Variants in OR11G2 observed in about 807,000 individuals in gnomAD.
The protein encoded by OR11G2 is olfactory receptor family 11 subfamily G member 2, also known as olfactory receptor 11G2.
In OR11G2, 2 loss-of-function variants were observed where a neutral mutation model predicts 0.9. The ratio of observed to expected loss-of-function variants is 2.35; its 90% CI spans 0.96 to 7.38. The LOEUF (loss-of-function observed/expected upper bound fraction) is 7.38. Among genes scored for constraint, OR11G2 ranks in the 30% most tolerant of loss-of-function variants. OR11G2 has a pLI of 0.05. For missense variants in OR11G2, 395 were observed against 371.3 expected (o/e 1.06, Z -0.52); for synonymous variants, 153 against 142.0 (o/e 1.08, Z -0.55).
chr14:20,191,657 G>A lies in OR11G2; in HGVS notation c.-14G>A, dbSNP rs533890520. 1 of 152,192 alleles carries A rather than the reference G, an allele frequency of 6.6e-6. No homozygotes were observed. The highest frequency in any genetic ancestry group is 1.9e-4 in the East Asian group (1 of 5,192). The allele number at this position is 152,192 out of a possible 1,614,324, so 9.4% of individuals were successfully genotyped here. On this transcript the variant is annotated 5_prime_UTR_variant, in exon 1 of 2. Transcript: ENST00000641879. ...GCTGCTCTCTGTACAGAGGAGCTAG[G>A]TAATAAAAGGTGAGTAACATTACAC...
chr14:20,194,212 G>C (rs8016235), intron 1 of OR11G2, among the ~76,000 whole-genome samples: 14,607 of 152,172 alleles, frequency 0.096, 837 homozygotes, highest in Middle Eastern at 0.19. Context: ...GAACTGGTCT[G>C]ATTTTCTTTC....
At chr14:20,197,368 A>G (rs777266376) in intron 1 of OR11G2, 66 bp from the exon 2 acceptor site, 2 of 1,575,028 alleles carry the variant, frequency 1.3e-6, no homozygotes, top group Non-Finnish European at 1.7e-6. Context: ...ATTTAAATAT[A>G]AATCTGATTC....
At chr14:20,196,743 G>T (rs764159551) in intron 1 of OR11G2, among the ~76,000 whole-genome samples, 1 of 152,194 alleles carries the variant, frequency 6.6e-6, no homozygotes, top group South Asian at 2.1e-4. Context: ...ACGTGTTTCA[G>T]CATGGCCAGT....
Position 20,198,093 on chromosome 14 carries a change from T to TG in OR11G2, c.660dup (p.Ser221ValfsTer49). 6.2e-7 allele frequency: 1 copy of TG among 1,614,144 alleles called. No individual in the cohort carries two copies. Among genetic ancestry groups the TG allele is most frequent in the Non-Finnish European group, 8.5e-7 (1 of 1,180,030 alleles). On this transcript the variant is annotated frameshift_variant, in exon 2 of 2. Coordinates refer to ENST00000641879, the MANE Select transcript of OR11G2 (RefSeq NM_001386033.1). LOFTEE classifies it high-confidence loss of function. Reference sequence around the variant, plus strand: ...GTCTTTATGCTCTTTCTCTTCATTGTGGGGTCCTATGCTCTGGTCGTGAGA... The same window carrying TG: ...GTCTTTATGCTCTTTCTCTTCATTGTGGGGGTCCTATGCTCTGGTCGTGAGA...
chr14:20,198,425 G>T lies in OR11G2; in HGVS notation c.*52G>T. ...AATTAATCTTGTCTTTAATTTTGGG[G>T]TTTAAAAAAAAAACTGGTCTTGGCC... On this transcript the variant is annotated 3_prime_UTR_variant, in exon 2 of 2. Transcript: ENST00000641879. 1.4e-6 allele frequency: 2 copies of T among 1,379,866 alleles called. No individual in the cohort carries two copies. Among genetic ancestry groups the T allele is most frequent in the Non-Finnish European group, 2.0e-6 (2 of 1,015,304 alleles). The allele number at this position is 1,379,866 out of a possible 1,614,324, so 85.5% of individuals were successfully genotyped here.
At position 20,192,693 on chromosome 14, in the gene OR11G2, T is replaced by A. The variant is rs570749311; in HGVS notation, c.-5+1027T>A. ...CAATGAAGTAATTGGTAAATATCTA[T>A]CGATGTATTGTCTATCTATATCCTC... On this transcript the variant is annotated intron_variant, in intron 1 of 1. Transcript: ENST00000641879. 5.9e-5 allele frequency among the ~76,000 whole-genome samples: 9 copies of A among 152,342 alleles called. No individual in the cohort carries two copies. The South Asian group carries it at 1.9e-3, about 32-fold the overall frequency.
Position 20,198,131 on chromosome 14 carries a change from G to A in OR11G2, c.694G>A (p.Val232Ile), listed in dbSNP as rs1235069605. Reference protein sequence around the residue: ...YALVVRAVLRVPSAAGRRKAF... With the variant: ...YALVVRAVLRIPSAAGRRKAF... ...TCTGGTCGTGAGAGCTGTGTTGAGG[G>A]TCCCTTCAGCAGCTGGGAGAAGAAA... Residue 232 changes from valine to isoleucine, a missense_variant, in exon 2 of 2, where the codon GTC becomes ATC. By Grantham distance (29) the Val-to-Ile change is conservative (BLOSUM62 3). Coordinates refer to ENST00000641879, the MANE Select transcript of OR11G2 (RefSeq NM_001386033.1). The A allele has an allele frequency of 6.2e-7, 1 of 1,614,024 alleles. No homozygotes were observed. Among genetic ancestry groups the A allele is most frequent in the African/African-American group, 1.3e-5 (1 of 74,896 alleles).
intron 1 of OR11G2, among the ~76,000 whole-genome samples, chr14:20,194,928 C>T (rs753295160): frequency 1.3e-5 from 2 of 152,090 alleles, no homozygotes; most frequent in Non-Finnish European, 1.5e-5. Flanking sequence ...TAATTAGACC[C>T]GTCCACTGTC....
Position 20,198,329 on chromosome 14 carries a change from A to G in OR11G2, c.892A>G (p.Asn298Asp), listed in dbSNP as rs1879822530. 1.3e-6 allele frequency: 2 copies of G among 1,588,450 alleles called. No homozygotes were observed. The highest frequency in any genetic ancestry group is 2.7e-5 in the African/African-American group (2 of 73,358). ...TAACCCTGTGATATATAGTCTTAGG[A>G]ACAAAGATATGAGAAAAGCTCTGAA... ...LLNPVIYSLR[N>D]KDMRKALKKF... Residue 298 changes from asparagine to aspartate, a missense_variant, in exon 2 of 2, where the codon AAC becomes GAC. By Grantham distance (23) the Asn-to-Asp change is conservative. Coordinates refer to ENST00000641879, the MANE Select transcript of OR11G2 (RefSeq NM_001386033.1).
chr14:20,195,636 T>G (rs1879736940), intron 1 of OR11G2, among the ~76,000 whole-genome samples: 1 of 152,244 alleles, frequency 6.6e-6, no homozygotes, highest in Non-Finnish European at 1.5e-5. Flanking sequence ...AACCTCTAAG[T>G]ACTCACATCT....
rs1001334270 is a variant in OR11G2, at chr14:20,198,529, C to A, written c.*156C>A. 20 of 562,560 alleles carry A rather than the reference C, an allele frequency of 3.6e-5. 1 individual carries two copies. Among genetic ancestry groups the A allele is most frequent in the East Asian group, 6.1e-5 (2 of 32,718 alleles). The allele number at this position is 562,560 out of a possible 1,614,324, so 34.8% of individuals were successfully genotyped here. ...GGATCACGAGGTCAGGAGATCAAGA[C>A]CACCCTGGCTAACACGGTGAAACCC... is the stretch of plus-strand genomic sequence containing the variant. On this transcript the variant is annotated 3_prime_UTR_variant, in exon 2 of 2. Coordinates refer to ENST00000641879, the MANE Select transcript of OR11G2 (RefSeq NM_001386033.1).
At chr14:20,197,325 A>G (rs765590633) in intron 1 of OR11G2, 109 bp from the exon 2 acceptor site, 3 of 1,404,202 alleles carry the variant, frequency 2.1e-6, no homozygotes, top group Non-Finnish European at 2.9e-6. Flanking sequence ...TTTTATTTCA[A>G]TAGTAAATTT....
At chr14:20,192,117 T>C (rs1279602576) in intron 1 of OR11G2, among the ~76,000 whole-genome samples, 1 of 152,024 alleles carries the variant, frequency 6.6e-6, no homozygotes, top group African/African-American at 2.4e-5. Context: ...GGTCTCAAAC[T>C]CCCGACCTCA....
At position 20,198,692 on chromosome 14, in the gene OR11G2, G is replaced by A. The variant is rs556766416; in HGVS notation, c.*319G>A. ...TGCAGTGAGCCGAGATCGCGCCACTGCACTCAAGCCTGGGCGACAGAGCGA... is the reference window on the plus strand; with the variant it reads ...TGCAGTGAGCCGAGATCGCGCCACTACACTCAAGCCTGGGCGACAGAGCGA... On this transcript the variant is annotated 3_prime_UTR_variant, in exon 2 of 2. Coordinates refer to ENST00000641879, the MANE Select transcript of OR11G2 (RefSeq NM_001386033.1). The A allele has an allele frequency of 1.3e-5, 2 of 157,894 alleles. No individual in the cohort carries two copies. The highest frequency in any genetic ancestry group is 1.8e-4 in the East Asian group (1 of 5,690). The allele number at this position is 157,894 out of a possible 1,614,324, so 9.8% of individuals were successfully genotyped here.
Position 20,198,581 on chromosome 14 carries a change from T to TAGCC in OR11G2, c.*209_*212dup. ...GTCTCTACTAAAAAATACAAAAAAT[T>TAGCC]AGCCGGGCGTGGTGGCGGACGCCTG... On this transcript the variant is annotated 3_prime_UTR_variant, in exon 2 of 2. Coordinates refer to ENST00000641879, the MANE Select transcript of OR11G2 (RefSeq NM_001386033.1). 3.3e-6 allele frequency: 1 copy of TAGCC among 306,922 alleles called. No homozygotes were observed. Among genetic ancestry groups the TAGCC allele is most frequent in the Non-Finnish European group, 6.0e-6 (1 of 166,150 alleles). 19.0% of individuals were successfully genotyped at this position (306,922 alleles called of 1,614,324 possible).
At position 20,196,663 on chromosome 14, in the gene OR11G2, A is replaced by G. The variant is rs139710770; in HGVS notation, c.-4-771A>G. ...GTTATCAATTGTATCCATAATTTGT[A>G]TTATTGGAATAGAATTATATCTTTA... is the stretch of plus-strand genomic sequence containing the variant. On this transcript the variant is annotated intron_variant, in intron 1 of 1. Transcript: ENST00000641879. Among the ~76,000 whole-genome samples, 278 of 152,302 alleles carry G rather than the reference A, an allele frequency of 1.8e-3. 2 individuals are homozygous for G. In the Middle Eastern group the frequency reaches 0.027, roughly 15 times the overall value.
rs748078692 is a variant in OR11G2, at chr14:20,198,195, C to T, written c.758C>T (p.Ser253Leu). 19 of 1,613,996 alleles carry T rather than the reference C, an allele frequency of 1.2e-5. 1 individual carries two copies. In the South Asian group the frequency reaches 2.1e-4, roughly 18 times the overall value. ...TGTGGGTCTCACCTGGCTGTGGTTT[C>T]ACTGTTCTACGGCTCAGTACTGGTC... is the stretch of plus-strand genomic sequence containing the variant. ...STCGSHLAVV[S>L]LFYGSVLVMY... The change falls in exon 2 of 2, where the codon TCA (serine) becomes TTA (leucine). Residue 253 changes from serine (S) to leucine (L), a missense_variant. Ser to Leu is a moderately radical substitution (Grantham distance 145). Coordinates refer to ENST00000641879, the MANE Select transcript of OR11G2 (RefSeq NM_001386033.1).
chr14:20,196,575 G>A (rs1879756506), intron 1 of OR11G2, among the ~76,000 whole-genome samples: 1 of 152,210 alleles, frequency 6.6e-6, no homozygotes, highest in South Asian at 2.1e-4. Flanking sequence ...AGTGGTTACT[G>A]GGAGATGGAC....
chr14:20,193,221 A>T (rs8014487), intron 1 of OR11G2, among the ~76,000 whole-genome samples: 1 of 152,120 alleles, frequency 6.6e-6, no homozygotes, highest in Non-Finnish European at 1.5e-5. Context: ...GGGTTCAGGC[A>T]AATTCTTGTG....
Sources: allele counts gnomAD v4.1 joint callset (sites outside exome capture counted in the v4.1 genomes callset), GRCh38; gene constraint gnomAD v4.1.1; transcripts MANE v1.5; gene names NCBI Gene and HGNC (gene_info 2026-07-23, HGNC 2026-07-21).